MEF2A: variants seen among roughly 807,000 people sequenced by gnomAD.
MEF2A encodes myocyte-specific enhancer factor 2A.
MEF2A carries 28 observed loss-of-function variants against 55.8 expected under a neutral mutation model. The ratio of observed to expected loss-of-function variants is 0.50; its 90% confidence interval spans 0.37 to 0.69. The LOEUF (loss-of-function observed/expected upper bound fraction) is 0.69. Among genes scored for constraint, MEF2A ranks in the 30% least tolerant of loss-of-function variants. The probability of loss-of-function intolerance (pLI) is 0.00; values close to 1 mark genes in which losing one functional copy is unlikely to be tolerated. For missense variants in MEF2A, 528 were observed against 626.2 expected (o/e 0.84, Z 1.67); for synonymous variants, 239 against 227.1 (o/e 1.05, Z -0.47).
chr15:99,577,916 A>G (rs148308502), intron 1 of MEF2A, among the ~76,000 whole-genome samples: 30 of 152,306 alleles, frequency 2.0e-4, no homozygotes, highest in African/African-American at 5.3e-4. Context: ...TACCGAAGTA[A>G]TGGTATCATA....
chr15:99,702,379 A>T (rs1487326748), intron 8 of MEF2A, among the ~76,000 whole-genome samples: 1 of 152,082 alleles, frequency 6.6e-6, no homozygotes, highest in African/African-American at 2.4e-5. Context: ...GACTGTTTCT[A>T]GCATGTTAAT....
chr15:99,606,783 C>G (rs1236867990), intron 2 of MEF2A, among the ~76,000 whole-genome samples: 3 of 152,110 alleles, frequency 2.0e-5, no homozygotes, highest in Non-Finnish European at 2.9e-5. Flanking sequence ...TAAGAAACAT[C>G]TTGACATTTA....
At chr15:99,681,204 T>A (rs2053184979) in intron 7 of MEF2A, among the ~76,000 whole-genome samples, 1 of 152,232 alleles carries the variant, frequency 6.6e-6, no homozygotes, top group African/African-American at 2.4e-5. Flanking sequence ...AGGCTCAAGA[T>A]GCTCTTGGAA....
intron 9 of MEF2A, among the ~76,000 whole-genome samples, chr15:99,703,785 A>G (rs2153800260): frequency 6.6e-6 from 1 of 152,310 alleles, no homozygotes; most frequent in South Asian, 2.1e-4. Flanking sequence ...TCTCTTTCAA[A>G]AAGATTACAT....
intron 1 of MEF2A, among the ~76,000 whole-genome samples, chr15:99,577,633 A>G (rs2152810111): frequency 6.6e-6 from 1 of 152,290 alleles, no homozygotes; most frequent in Admixed American, 6.5e-5. Context: ...CCTTTTCACT[A>G]TGAAAACCTT....
chr15:99,640,941 C>T (rs911617725), intron 3 of MEF2A, among the ~76,000 whole-genome samples: 2 of 152,088 alleles, frequency 1.3e-5, no homozygotes, highest in African/African-American at 4.8e-5. Context: ...GTATGAGAGG[C>T]TGCATATTGG....
chr15:99,635,941 C>T (rs534587845), intron 3 of MEF2A, among the ~76,000 whole-genome samples: 5 of 152,208 alleles, frequency 3.3e-5, no homozygotes, highest in African/African-American at 1.2e-4. Context: ...AGTGCGGTTG[C>T]TGAGTCATAA....
rs948959922 is a variant in MEF2A, at chr15:99,687,929, A to G, written c.671-2312A>G. On this transcript the variant is annotated intron_variant, in intron 7 of 11. Transcript: ENST00000557942. ...ATTTCCAAATAGTAAAGGTACTTCT[A>G]TGATTTCCAATTTTAGGCAGTTGCT... is the stretch of plus-strand genomic sequence containing the variant. 2.0e-5 allele frequency among the ~76,000 whole-genome samples: 3 copies of G among 152,322 alleles called. No homozygotes were observed. In the South Asian group the frequency reaches 6.2e-4, roughly 32 times the overall value.
intron 4 of MEF2A, among the ~76,000 whole-genome samples, chr15:99,651,091 T>C (rs1341481918): frequency 6.6e-6 from 1 of 152,210 alleles, no homozygotes. Flanking sequence ...ATTCAAACTA[T>C]GCAGTATTTG....
At chr15:99,596,115 A>T (rs930411230) in intron 1 of MEF2A, among the ~76,000 whole-genome samples, 1 of 152,174 alleles carries the variant, frequency 6.6e-6, no homozygotes, top group Non-Finnish European at 1.5e-5. Context: ...TTTAGAAACT[A>T]CTTGAAAACT....
chr15:99,684,162 A>G (rs1418289184), intron 7 of MEF2A, among the ~76,000 whole-genome samples: 1 of 152,186 alleles, frequency 6.6e-6, no homozygotes, highest in Non-Finnish European at 1.5e-5. Context: ...TCGCAATTGC[A>G]AAATGTGCTG....
intron 3 of MEF2A, among the ~76,000 whole-genome samples, chr15:99,640,414 T>C (rs1284683711): frequency 2.0e-5 from 3 of 152,230 alleles, no homozygotes; most frequent in African/African-American, 7.2e-5. Context: ...TTATCCTCAG[T>C]AAGGCATGTT....
At chr15:99,676,291 A>C (rs1230435744) in intron 7 of MEF2A, among the ~76,000 whole-genome samples, 2 of 152,204 alleles carry the variant, frequency 1.3e-5, no homozygotes, top group Non-Finnish European at 2.9e-5. Context: ...GTACCAGTTA[A>C]ACACTAGGGC....
At chr15:99,670,609 CAAAA>C (rs1353519664) in intron 4 of MEF2A, among the ~76,000 whole-genome samples, 2 of 144,964 alleles carry the variant, frequency 1.4e-5, no homozygotes, top group African/African-American at 5.1e-5. Context: ...GACTCCGTCT[CAAAA>C]AAGAAAAAAA....
intron 8 of MEF2A, among the ~76,000 whole-genome samples, chr15:99,696,917 A>C (rs1447258485): frequency 6.6e-6 from 1 of 152,180 alleles, no homozygotes; most frequent in South Asian, 2.1e-4. Flanking sequence ...GTAAAAAGTA[A>C]GTAAATTGAG....
rs777739995 is a variant in MEF2A at position 99,710,688 on chromosome 15, G to A, written c.1064G>A (p.Gly355Glu). The A allele has an allele frequency of 6.2e-7, 1 of 1,613,650 alleles. No homozygotes were observed. The highest frequency in any genetic ancestry group is 8.5e-7 in the Non-Finnish European group (1 of 1,179,562). ...LSALQGFNSP[G>E]MLSLGQVSAW... ...GCCCTTCAAGGCTTCAACTCGCCAGGAATGCTGTCGCTGGGACAGGTGTCG... is the reference window on the plus strand; with the variant it reads ...GCCCTTCAAGGCTTCAACTCGCCAGAAATGCTGTCGCTGGGACAGGTGTCG... The change falls in exon 11 of 12, where the codon GGA becomes GAA. Residue 355 changes from glycine to glutamate, a missense_variant. Physicochemically the swap from Gly to Glu is moderately conservative, Grantham distance 98. Around this residue, in one of 2 missense-constraint regions of MEF2A, gnomAD observed 450 missense variants for 475.3 expected, o/e 0.95. Transcript: ENST00000557942.
At chr15:99,623,563 C>G (rs1363847978) in intron 2 of MEF2A, among the ~76,000 whole-genome samples, 2 of 152,150 alleles carry the variant, frequency 1.3e-5, no homozygotes. Flanking sequence ...CTAGTGCTTG[C>G]TGTTCTGTTT....
chr15:99,623,572 T>G (rs942816749), intron 2 of MEF2A, among the ~76,000 whole-genome samples: 5 of 152,212 alleles, frequency 3.3e-5, no homozygotes. Context: ...GCTGTTCTGT[T>G]TCTTAATAGC....
intron 5 of MEF2A, chr15:99,671,773 C>A: frequency 9.1e-7 from 1 of 1,098,160 alleles, no homozygotes; most frequent in Non-Finnish European, 1.2e-6. Context: ...GGAAGAAATG[C>A]ATTTTATTAG....
Sources: allele counts gnomAD v4.1 joint callset (sites outside exome capture counted in the v4.1 genomes callset), GRCh38; gene constraint gnomAD v4.1.1; regional missense constraint gnomAD v4.1.1; transcripts MANE v1.5; gene names NCBI Gene and HGNC (gene_info 2026-07-23, HGNC 2026-07-21).